The following FHIT variants were observed in gnomAD, a reference collection of about 807,000 sequenced individuals.
FHIT encodes fragile histidine triad diadenosine triphosphatase.
Under a neutral mutation model 17.9 loss-of-function variants are expected in FHIT, and 19 were observed. The observed-to-expected ratio is 1.06, with a 90% CI of 0.74 to 1.56. FHIT has a LOEUF of 1.56. Ranked by LOEUF, FHIT falls within the 40% of genes most tolerant of loss-of-function variation. The pLI, the probability that FHIT is intolerant of heterozygous loss-of-function variation, is 0.00. For missense variants in FHIT, 248 were observed against 189.2 expected, an observed-to-expected ratio of 1.31 and a Z score of -1.82; for synonymous variants, 81 against 69.7, an observed-to-expected ratio of 1.16 and a Z score of -0.81.
rs199901361 is a variant in FHIT at position 59,989,328 on chromosome 3, TC to T, written c.279+22042del. ...TTCAGAGGGAATGAGATGGCTGACT[TC>T]CCCCACACATTAGGACTTTCATTCC... On this transcript the variant is annotated intron_variant, in intron 7 of 9. Transcript: ENST00000492590. Among the ~76,000 whole-genome samples the T allele has an allele frequency of 5.3e-5, 8 of 151,966 alleles. No homozygotes were observed. In the East Asian group the frequency reaches 1.6e-3, roughly 30 times the overall value.
chr3:60,384,701 A>C (rs1439829124), intron 5 of FHIT, among the ~76,000 whole-genome samples: 1 of 143,154 alleles, frequency 7.0e-6, no homozygotes, highest in African/African-American at 2.6e-5. Context: ...ATCATTACAA[A>C]ATCTTAAAAC....
At chr3:60,671,530 A>G (rs2040503983) in intron 4 of FHIT, among the ~76,000 whole-genome samples, 1 of 152,204 alleles carries the variant, frequency 6.6e-6, no homozygotes, top group Admixed American at 6.5e-5. Flanking sequence ...GGTGTTCACT[A>G]TAAAATTACT....
intron 5 of FHIT, among the ~76,000 whole-genome samples, chr3:60,423,104 C>T (rs1702535994): frequency 6.6e-6 from 1 of 152,104 alleles, no homozygotes; most frequent in Non-Finnish European, 1.5e-5. Context: ...GCCTCAATTG[C>T]CACCAGCAGC....
At chr3:61,186,332 C>T (rs992704547) in intron 2 of FHIT, among the ~76,000 whole-genome samples, 23 of 152,316 alleles carry the variant, frequency 1.5e-4, no homozygotes, top group African/African-American at 3.8e-4. Context: ...AGAATTAAGA[C>T]GGCAGCTAAC....
At chr3:60,862,542 A>G (rs1338575399) in intron 3 of FHIT, among the ~76,000 whole-genome samples, 1 of 152,044 alleles carries the variant, frequency 6.6e-6, no homozygotes, top group Non-Finnish European at 1.5e-5. Context: ...ACTTCTAAAG[A>G]TGTCCCTGCA....
chr3:60,397,611 C>A (rs1358162358), intron 5 of FHIT, among the ~76,000 whole-genome samples: 1 of 152,154 alleles, frequency 6.6e-6, no homozygotes, highest in African/African-American at 2.4e-5. Context: ...ACCTCAGTGG[C>A]CCATTTTTAT....
intron 1 of FHIT, among the ~76,000 whole-genome samples, chr3:61,207,289 T>C (rs2039274380): frequency 6.6e-6 from 1 of 152,150 alleles, no homozygotes; most frequent in Admixed American, 6.5e-5. Flanking sequence ...TCTTTTTTTG[T>C]TGTGTCTCTG....
At chr3:61,220,820 C>T (rs1009717628) in intron 1 of FHIT, among the ~76,000 whole-genome samples, 2 of 152,168 alleles carry the variant, frequency 1.3e-5, no homozygotes, top group African/African-American at 4.8e-5. Context: ...TTCATTCATT[C>T]TCTTAATTTG....
intron 3 of FHIT, among the ~76,000 whole-genome samples, chr3:60,954,627 T>C (rs1709032904): frequency 6.6e-6 from 1 of 152,206 alleles, no homozygotes; most frequent in Non-Finnish European, 1.5e-5. Flanking sequence ...GAGAAGAGCA[T>C]CAACTGTGGT....
intron 5 of FHIT, among the ~76,000 whole-genome samples, chr3:60,332,649 G>T (rs1053810176): frequency 6.6e-6 from 1 of 152,092 alleles, no homozygotes; most frequent in Non-Finnish European, 1.5e-5. Context: ...CTATTATTCT[G>T]TCCCTAGATG....
chr3:61,204,050 G>A (rs781268024), intron 1 of FHIT, among the ~76,000 whole-genome samples: 6 of 152,120 alleles, frequency 3.9e-5, no homozygotes, highest in Non-Finnish European at 7.4e-5. Context: ...CATCAACATA[G>A]ATACCTCTCA....
chr3:60,468,843 T>G (rs895594143), intron 5 of FHIT, among the ~76,000 whole-genome samples: 1 of 152,184 alleles, frequency 6.6e-6, no homozygotes, highest in Non-Finnish European at 1.5e-5. Flanking sequence ...AAGAATCCTT[T>G]AGCATTTCTT....
rs1027410445 is a variant in FHIT at position 60,377,637 on chromosome 3, G to A, written c.103+159223C>T. Among the ~76,000 whole-genome samples the A allele has an allele frequency of 4.7e-4, 69 of 146,652 alleles. No homozygotes were observed. The East Asian group carries it at 8.9e-3, about 19-fold the overall frequency. On this transcript the variant is annotated intron_variant, in intron 5 of 9. Coordinates refer to ENST00000492590, the MANE Select transcript of FHIT (RefSeq NM_002012.4). The stretch of plus-strand genomic sequence containing the variant: ...GCTGGGACTACAGGCGCCCGCCACC[G>A]CGCCCGGCTAATTTTTTGTATTTTT...
intron 2 of FHIT, among the ~76,000 whole-genome samples, chr3:61,147,997 C>T (rs988191654): frequency 6.7e-6 from 1 of 148,550 alleles, no homozygotes; most frequent in Non-Finnish European, 1.5e-5. Flanking sequence ...TTCTAGGATT[C>T]AAAAGTCCAG....
chr3:61,067,000 G>A (rs1016667023), intron 2 of FHIT, among the ~76,000 whole-genome samples: 10 of 152,172 alleles, frequency 6.6e-5, no homozygotes, highest in African/African-American at 1.4e-4. Context: ...TTACTTCCCC[G>A]GCTATGCTTG....
intron 2 of FHIT, among the ~76,000 whole-genome samples, chr3:61,189,805 A>G (rs1267780545): frequency 1.3e-5 from 2 of 152,130 alleles, no homozygotes; most frequent in Admixed American, 6.5e-5. Flanking sequence ...CTGATCTTTG[A>G]CAAACCTGAG....
At chr3:60,019,129 C>G (rs1303836559) in intron 5 of FHIT, among the ~76,000 whole-genome samples, 5 of 152,218 alleles carry the variant, frequency 3.3e-5, no homozygotes, top group African/African-American at 1.2e-4. Flanking sequence ...GCTGCATCCA[C>G]TAGGCCCTTC....
chr3:60,710,903 CA>C (rs2041509723), intron 4 of FHIT, among the ~76,000 whole-genome samples: 1 of 152,206 alleles, frequency 6.6e-6, no homozygotes, highest in East Asian at 1.9e-4. Context: ...CCCTGACTGA[CA>C]GCTTTGAGGA....
chr3:61,032,063 C>T (rs2033034091), intron 3 of FHIT, among the ~76,000 whole-genome samples: 1 of 152,128 alleles, frequency 6.6e-6, no homozygotes, highest in South Asian at 2.1e-4. Context: ...ATTTTAGCAA[C>T]CAAATTATTA....
Sources: allele counts gnomAD v4.1 joint callset (sites outside exome capture counted in the v4.1 genomes callset), GRCh38; gene constraint gnomAD v4.1.1; transcripts MANE v1.5; gene names NCBI Gene and HGNC (gene_info 2026-07-23, HGNC 2026-07-21).